The following GGA3 variants were observed in gnomAD, a reference collection of about 807,000 sequenced individuals.
GGA3 encodes the protein ADP-ribosylation factor-binding protein GGA3.
A neutral mutation model predicts 77.5 loss-of-function variants in GGA3; 57 were observed. The observed-to-expected ratio is 0.74, with a 90% CI of 0.59 to 0.92. GGA3 has a LOEUF of 0.92. GGA3 is among the 40% of genes least tolerant of loss of function. The pLI, the probability that GGA3 is intolerant of heterozygous loss-of-function variation, is 0.00. For missense variants in GGA3, 970 were observed against 914.9 expected, an observed-to-expected ratio of 1.06 and a Z score of -0.78; for synonymous variants, 416 against 383.7, an observed-to-expected ratio of 1.08 and a Z score of -0.98.
chr17:75,260,434 T>C (rs955231829), intron 1 of GGA3, among the ~76,000 whole-genome samples: 2 of 152,204 alleles, frequency 1.3e-5, no homozygotes, highest in Non-Finnish European at 2.9e-5. Context: ...CTTCCATATA[T>C]AAAGAAGCCT....
intron 1 of GGA3, among the ~76,000 whole-genome samples, chr17:75,256,880 C>T (rs2077169031): frequency 6.6e-6 from 1 of 152,122 alleles, no homozygotes; most frequent in African/African-American, 2.4e-5. Context: ...GCCTTTCCTA[C>T]AGGGTCTGAG....
rs115130853 is a variant in GGA3 at position 75,239,726 on chromosome 17, G to C, written c.1583+63C>G. Reference sequence around the variant, plus strand: ...AGGCACCCCCACCCCTTCAAAGTTAGCTCTGGTTCTGACACATTCAGGCCC... The same window carrying C: ...AGGCACCCCCACCCCTTCAAAGTTACCTCTGGTTCTGACACATTCAGGCCC... On this transcript the variant is annotated intron_variant, in intron 13 of 16. Transcript: ENST00000537686. The C allele has an allele frequency of 9.8e-4, 1,542 of 1,574,908 alleles. 19 individuals carry two copies. The African/African-American group carries it at 0.019, about 19-fold the overall frequency.
chr17:75,251,534 T>C (rs2076965509), intron 1 of GGA3, among the ~76,000 whole-genome samples: 1 of 151,718 alleles, frequency 6.6e-6, no homozygotes, highest in Non-Finnish European at 1.5e-5. Flanking sequence ...AGTGAAACCC[T>C]GTCTCTACTA....
In GGA3 at chr17:75,241,152, C is replaced by CA. The variant is rs1016312178; in HGVS notation, c.947-96dup. ...ACCCTAGGCACAGAGGTCACTGCTACAGCCTCTGGCCTAATCCAACGGCAT... is the reference window on the plus strand; with the variant it reads ...ACCCTAGGCACAGAGGTCACTGCTACAAGCCTCTGGCCTAATCCAACGGCAT... On this transcript the variant is annotated intron_variant, in intron 10 of 16. Coordinates refer to ENST00000537686, the MANE Select transcript of GGA3 (RefSeq NM_138619.4). The CA allele has an allele frequency of 3.4e-5, 48 of 1,392,224 alleles. No individual in the cohort carries two copies. In the African/African-American group the frequency reaches 5.8e-4, roughly 17 times the overall value. The allele number at this position is 1,392,224 out of a possible 1,614,324, so 86.2% of individuals were successfully genotyped here.
At chr17:75,241,745 T>C (rs770743371) in intron 8 of GGA3, 49 bp from the exon 9 acceptor site, 3 of 1,386,856 alleles carry the variant, frequency 2.2e-6, no homozygotes, top group Admixed American at 3.4e-5. Context: ...CCCTTAGAGA[T>C]CATCTGATTC....
chr17:75,246,842 A>G (rs1236766665), intron 1 of GGA3, 46 bp from the exon 2 acceptor site: 2 of 1,476,344 alleles, frequency 1.4e-6, no homozygotes, highest in Non-Finnish European at 1.9e-6. Flanking sequence ...AAGAGCAATG[A>G]GGATGCAATG....
At chr17:75,242,505 A>C (rs376377518) in intron 7 of GGA3, 32 bp from the exon 8 acceptor site, 3 of 1,613,468 alleles carry the variant, frequency 1.9e-6, no homozygotes, top group African/African-American at 2.7e-5. Context: ...AGAGAAAGAG[A>C]GCGTCACTTG....
chr17:75,239,895 C>A lies in GGA3; in HGVS notation c.1477G>T (p.Ala493Ser). ...GGGACTGCGGGCTCAACTTTTGGGG[C>A]CAAGGCTGGGGCCACTCCAGTAGAA... ...LFSTGVAPAL[A>S]PKVEPAVPGH... The change falls in exon 13 of 17, where the codon GCC (alanine) becomes TCC (serine). Residue 493 changes from alanine to serine, a missense_variant. By Grantham distance (99) the Ala-to-Ser change is moderately conservative. Transcript: ENST00000537686. The A allele has an allele frequency of 6.2e-7, 1 of 1,613,628 alleles. No individual in the cohort carries two copies. The highest frequency in any genetic ancestry group is 1.7e-4 in the Middle Eastern group (1 of 6,052).
chr17:75,243,662 A>G (rs2145512811), intron 4 of GGA3, 92 bp from the exon 5 acceptor site: 1 of 1,293,454 alleles, frequency 7.7e-7, no homozygotes, highest in Non-Finnish European at 1.1e-6. Context: ...GTGGCTGCTC[A>G]GCAGCTATGG....
intron 1 of GGA3, among the ~76,000 whole-genome samples, chr17:75,257,907 C>T (rs1037851669): frequency 1.3e-5 from 2 of 152,172 alleles, no homozygotes; most frequent in Admixed American, 1.3e-4. Context: ...CTTGCACGTA[C>T]ACATCCAGAT....
rs1486719621 is a variant in GGA3 at position 75,237,628 on chromosome 17, T to C, written c.*651A>G. The C allele has an allele frequency of 3.3e-6, 5 of 1,519,886 alleles. No individual in the cohort carries two copies. The highest frequency in any genetic ancestry group is 4.0e-5 in the Admixed American group (2 of 50,324). The allele number at this position is 1,519,886 out of a possible 1,614,324, so 94.1% of individuals were successfully genotyped here. On this transcript the variant is annotated 3_prime_UTR_variant, in exon 17 of 17. Transcript: ENST00000537686. ...ATTCCATGTCCTGCCAAGATGTCCA[T>C]AGGACACAGCCTGCCACTGCCAGGG...
intron 1 of GGA3, among the ~76,000 whole-genome samples, chr17:75,254,053 T>C (rs1299366417): frequency 6.6e-6 from 1 of 152,164 alleles, no homozygotes; most frequent in East Asian, 1.9e-4. Flanking sequence ...CTGAGGTGCC[T>C]CACATCCAGG....
intron 1 of GGA3, among the ~76,000 whole-genome samples, chr17:75,256,850 C>T (rs578038789): frequency 4.7e-4 from 72 of 152,260 alleles, no homozygotes; most frequent in African/African-American, 1.7e-3. Context: ...TAAGTAGACA[C>T]TTTCACTAGG....
At chr17:75,253,526 TACC>T (rs1395775221) in intron 1 of GGA3, among the ~76,000 whole-genome samples, 6 of 152,146 alleles carry the variant, frequency 3.9e-5, no homozygotes, top group Non-Finnish European at 8.8e-5. Flanking sequence ...GAGGGGCAAG[TACC>T]ACAACCCCTT....
Position 75,240,366 on chromosome 17 carries a change from C to T in GGA3, c.1239G>A (p.Gly413=), listed in dbSNP as rs759262270. ...APNVPPKESA[G]NSQWHLLQRE... ...CCTGGAGCAGGTGCCACTGGCTGTTCCCAGCTGACTCTTTGGGAGGAACAT... is the reference window on the plus strand; with the variant it reads ...CCTGGAGCAGGTGCCACTGGCTGTTTCCAGCTGACTCTTTGGGAGGAACAT... The change falls in exon 12 of 17, where the codon GGG becomes GGA. Residue 413 remains glycine, a synonymous_variant. Coordinates refer to ENST00000537686, the MANE Select transcript of GGA3 (RefSeq NM_138619.4). 1.3e-6 allele frequency: 2 copies of T among 1,599,272 alleles called. No homozygotes were observed.
Position 75,246,734 on chromosome 17 carries a change from G to C in GGA3, c.103C>G (p.Gln35Glu). The change falls in exon 2 of 17, where the codon CAG becomes GAG. Residue 35 changes from glutamine to glutamate, a missense_variant. Transcript: ENST00000537686. ...CACCCTTCCAGCTCCTTGTTGATCT[G>C]ATCACAGAAGCCAATTATGTATTCC... ...DWEYIIGFCD[Q>E]INKELEGPQI... 6.2e-7 allele frequency: 1 copy of C among 1,613,852 alleles called. No individual in the cohort carries two copies. Among genetic ancestry groups the C allele is most frequent in the Admixed American group, 1.7e-5 (1 of 60,028 alleles).
intron 3 of GGA3, among the ~76,000 whole-genome samples, chr17:75,245,536 G>GT (rs2076724949): frequency 1.3e-5 from 2 of 150,014 alleles, no homozygotes; most frequent in Admixed American, 6.6e-5. Flanking sequence ...TTTTTTTTTT[G>GT]TTTTTTGACA....
chr17:75,261,823 A>C (rs2077395393), upstream of GGA3: 1 of 1,442,500 alleles, frequency 6.9e-7, no homozygotes, highest in African/African-American at 1.4e-5. Flanking sequence ...GACCCTGAGG[A>C]GTCTTTTTCA....
At chr17:75,238,816 C>A in intron 15 of GGA3, 54 bp from the exon 16 acceptor site, 1 of 1,568,260 alleles carries the variant, frequency 6.4e-7, no homozygotes, top group Non-Finnish European at 8.7e-7. Flanking sequence ...CCAGATGGAA[C>A]CTGCAGTGCA....
Sources: gnomAD v4.1 joint callset for allele counts (sites outside exome capture counted in the v4.1 genomes callset) on GRCh38, gnomAD v4.1.1 for gene constraint, MANE v1.5 for transcripts, NCBI Gene and HGNC (gene_info 2026-07-23, HGNC 2026-07-21) for gene names.